The following PRR11 variants were observed in gnomAD, a reference collection of about 807,000 sequenced individuals.
PRR11 encodes proline-rich protein 11.
In PRR11, 30 loss-of-function variants were observed where a neutral mutation model predicts 45.6. The ratio of observed to expected loss-of-function variants is 0.66; its 90% CI spans 0.49 to 0.89. The LOEUF (loss-of-function observed/expected upper bound fraction) is 0.89, where lower values mean the gene tolerates loss of function less well. Among genes scored for constraint, PRR11 ranks in the 40% least tolerant of loss-of-function variants. The pLI is 0.00. For synonymous variants in PRR11, 128 were observed against 153.5 expected, an observed-to-expected ratio of 0.83 and a Z score of 1.23; for missense variants, 373 against 424.8, an observed-to-expected ratio of 0.88 and a Z score of 1.07.
At chr17:59,196,881 G>T (rs967265127) in intron 7 of PRR11, among the ~76,000 whole-genome samples, 18 of 151,604 alleles carry the variant, frequency 1.2e-4, no homozygotes, top group African/African-American at 4.4e-4. Context: ...TTTTGAGAAG[G>T]AGCTCTGTCA....
At chr17:59,200,988 G>A (rs2046890017) in intron 9 of PRR11, among the ~76,000 whole-genome samples, 1 of 151,604 alleles carries the variant, frequency 6.6e-6, no homozygotes, top group Admixed American at 6.6e-5. Context: ...GGAACAGAAA[G>A]TGTTTGGTTA....
intron 7 of PRR11, among the ~76,000 whole-genome samples, chr17:59,195,946 G>A (rs1428855118): frequency 6.6e-6 from 1 of 151,828 alleles, no homozygotes; most frequent in African/African-American, 2.4e-5. Flanking sequence ...AAATTAGCCG[G>A]ATGCAGTGGT....
At chr17:59,196,962 C>G (rs1403386487) in intron 7 of PRR11, among the ~76,000 whole-genome samples, 5 of 152,034 alleles carry the variant, frequency 3.3e-5, no homozygotes, top group African/African-American at 4.8e-5. Flanking sequence ...CAATTCTCTG[C>G]CTCAGCCTCC....
chr17:59,193,238 T>C (rs2046847918), intron 4 of PRR11, among the ~76,000 whole-genome samples: 1 of 152,162 alleles, frequency 6.6e-6, no homozygotes, highest in African/African-American at 2.4e-5. Flanking sequence ...GTCTGTCTTC[T>C]GTCACCGAAC....
chr17:59,185,664 T>G, intron 4 of PRR11, 102 bp downstream of exon 4: 1 of 1,095,588 alleles, frequency 9.1e-7, no homozygotes, highest in Middle Eastern at 2.3e-4. Context: ...ATAAGATTTA[T>G]ATCTCAAACA....
intron 2 of PRR11, among the ~76,000 whole-genome samples, chr17:59,173,299 G>A (rs2147839815): frequency 6.6e-6 from 1 of 152,344 alleles, no homozygotes; most frequent in Non-Finnish European, 1.5e-5. Flanking sequence ...GGTGGGGCCA[G>A]ATAAGAATAA....
chr17:59,185,672 A>G, intron 4 of PRR11, 110 bp downstream of exon 4: 1 of 1,025,358 alleles, frequency 9.8e-7, no homozygotes. Context: ...TATATCTCAA[A>G]CATTAAGCGA....
chr17:59,181,788 C>T, intron 2 of PRR11: 2 of 1,548,896 alleles, frequency 1.3e-6, no homozygotes, highest in Non-Finnish European at 1.8e-6. Context: ...GCTTCTGCAA[C>T]TGATCACCTT....
chr17:59,187,134 G>A (rs892164173), intron 4 of PRR11, among the ~76,000 whole-genome samples: 2 of 152,130 alleles, frequency 1.3e-5, no homozygotes, highest in Non-Finnish European at 2.9e-5. Context: ...ACTTGAACCC[G>A]GAAAGTGGAG....
In PRR11 at chr17:59,206,125, G is replaced by A. The variant is rs1159344385; in HGVS notation, c.*4494G>A. Among the ~76,000 whole-genome samples, 1 of 152,098 alleles carries A rather than the reference G, an allele frequency of 6.6e-6. No homozygotes were observed. The highest frequency in any genetic ancestry group is 1.9e-4 in the East Asian group (1 of 5,192). On this transcript the variant is annotated 3_prime_UTR_variant, in exon 10 of 10. Transcript: ENST00000262293. ...CTCACACCTATAATCCTAGCACTTT[G>A]GGAGGCTAAGGCAGGAGGTTCGCTT...
At chr17:59,170,710 A>G (rs1485529694) in intron 2 of PRR11, among the ~76,000 whole-genome samples, 7 of 152,154 alleles carry the variant, frequency 4.6e-5, no homozygotes, top group Admixed American at 2.6e-4. Context: ...TGAGCACTGT[A>G]CCCACCCTCA....
intron 2 of PRR11, among the ~76,000 whole-genome samples, chr17:59,176,204 A>G (rs1484111506): frequency 6.6e-6 from 1 of 152,162 alleles, no homozygotes; most frequent in Non-Finnish European, 1.5e-5. Flanking sequence ...ATTTGGAAAG[A>G]GCGGTGAAGC....
chr17:59,161,077 T>C (rs1187523298), intron 1 of PRR11, among the ~76,000 whole-genome samples: 1 of 151,924 alleles, frequency 6.6e-6, no homozygotes, highest in Non-Finnish European at 1.5e-5. Context: ...ATTTTTCAGA[T>C]TATTTGAGAA....
chr17:59,191,220 CTTTTTTTTT>C (rs60012514), intron 4 of PRR11, among the ~76,000 whole-genome samples: 11 of 98,184 alleles, frequency 1.1e-4, no homozygotes, highest in African/African-American at 3.2e-4. Context: ...TTCTTTTTTT[CTTTTTTTTT>C]TTTTTTTGAG....
Position 59,195,313 on chromosome 17 carries a change from C to G in PRR11, c.745-18C>G. Reference sequence around the variant, plus strand: ...ATTTTAAAATTTGTTTTAATAATGTCTCATTTTATAATTAAAGCTTATACC... The same window carrying G: ...ATTTTAAAATTTGTTTTAATAATGTGTCATTTTATAATTAAAGCTTATACC... On this transcript the variant is annotated intron_variant, in intron 6 of 9. Coordinates refer to ENST00000262293, the MANE Select transcript of PRR11 (RefSeq NM_018304.4). The G allele has an allele frequency of 6.4e-7, 1 of 1,573,672 alleles. No homozygotes were observed. The highest frequency in any genetic ancestry group is 8.7e-7 in the Non-Finnish European group (1 of 1,146,154).
At chr17:59,161,333 G>A (rs769496535) in intron 1 of PRR11, among the ~76,000 whole-genome samples, 21 of 151,136 alleles carry the variant, frequency 1.4e-4, no homozygotes, top group Non-Finnish European at 2.2e-4. Context: ...CTTGAACTCG[G>A]GAGGCAGAGG....
At chr17:59,167,536 A>C (rs2046685779) in intron 1 of PRR11, among the ~76,000 whole-genome samples, 1 of 152,214 alleles carries the variant, frequency 6.6e-6, no homozygotes, top group Non-Finnish European at 1.5e-5. Context: ...AAGAAAGTAA[A>C]GGAATAAAAA....
In PRR11 at chr17:59,204,774, A is replaced by C. The variant is rs2046910462; in HGVS notation, c.*3143A>C. 6.6e-6 allele frequency: 1 copy of C among 152,284 alleles called. No individual in the cohort carries two copies. The allele number at this position is 152,284 out of a possible 1,614,324, so 9.4% of individuals were successfully genotyped here. On this transcript the variant is annotated 3_prime_UTR_variant, in exon 10 of 10. Coordinates refer to ENST00000262293, the MANE Select transcript of PRR11 (RefSeq NM_018304.4). The stretch of plus-strand genomic sequence containing the variant: ...CCCAGTGCAGTGGCTCACACCTATA[A>C]TCCTAGCACTTTGGGAGGCTAAGGC...
At position 59,205,537 on chromosome 17, in the gene PRR11, AC is replaced by A. The variant is rs111229025; in HGVS notation, c.*3907del. On this transcript the variant is annotated 3_prime_UTR_variant, in exon 10 of 10. Transcript: ENST00000262293. ...GCCAACATGGTGAAACCCTGTCTCTACTAAAAATACAAAAATTAGCCGGGCA... is the reference window on the plus strand; with the variant it reads ...GCCAACATGGTGAAACCCTGTCTCTATAAAAATACAAAAATTAGCCGGGCA... Among the ~76,000 whole-genome samples the A allele has an allele frequency of 0.44, 64,661 of 148,004 alleles. 16,135 individuals are homozygous for A. Among genetic ancestry groups the A allele is most frequent in the African/African-American group, 0.7 (27,877 of 40,090 alleles).
Sources: gnomAD v4.1 joint callset for allele counts (sites outside exome capture counted in the v4.1 genomes callset) on GRCh38, gnomAD v4.1.1 for gene constraint, MANE v1.5 for transcripts, NCBI Gene and HGNC (gene_info 2026-07-23, HGNC 2026-07-21) for gene names.